Variants in GABRA4 observed in about 807,000 individuals in gnomAD.
GABRA4 encodes gamma-aminobutyric acid receptor subunit alpha-4.
In GABRA4, 12 loss-of-function variants were observed where a neutral mutation model predicts 49.7. The ratio of observed to expected loss-of-function variants is 0.24; its 90% CI spans 0.15 to 0.39. The LOEUF is 0.39. GABRA4 is among the 10% of genes least tolerant of loss of function. The pLI, the probability that GABRA4 is intolerant of heterozygous loss-of-function variation, is 1.00. For missense variants in GABRA4, 506 were observed against 686.0 expected (o/e 0.74, Z 2.93); for synonymous variants, 288 against 240.2 (o/e 1.20, Z -1.84).
In GABRA4 at chr4:46,993,545, G is replaced by A; in HGVS notation, c.-121C>T. 1 of 1,070,176 alleles carries A rather than the reference G, an allele frequency of 9.3e-7. No individual in the cohort carries two copies. Among genetic ancestry groups the A allele is most frequent in the South Asian group, 1.4e-5 (1 of 70,810 alleles). 66.3% of individuals were successfully genotyped at this position (1,070,176 alleles called of 1,614,324 possible). A position where few individuals can be genotyped will look rare whatever the true frequency, so the allele number is the denominator to read the frequency against. On this transcript the variant is annotated 5_prime_UTR_variant, in exon 1 of 9. Coordinates refer to ENST00000264318, the MANE Select transcript of GABRA4 (RefSeq NM_000809.4). ...CGTGCGCACACTCGCGCTCACACTC[G>A]CCCGCGCTCAGCCAGCCCGAGCCGC...
intron 8 of GABRA4, among the ~76,000 whole-genome samples, chr4:46,950,658 C>T (rs905105134): frequency 2.6e-5 from 4 of 151,578 alleles, no homozygotes; most frequent in African/African-American, 9.7e-5. Flanking sequence ...GTGCCTAACC[C>T]AGGCTTCCAC....
intron 8 of GABRA4, among the ~76,000 whole-genome samples, chr4:46,951,410 C>T (rs376605191): frequency 6.6e-6 from 1 of 151,774 alleles, no homozygotes; most frequent in Non-Finnish European, 1.5e-5. Flanking sequence ...AAATATTGGT[C>T]TTCAAGTTCA....
At position 46,926,846 on chromosome 4, in the gene GABRA4, G is replaced by C. The variant is rs1721248903; in HGVS notation, c.*1379C>G. 6.6e-6 allele frequency: 1 copy of C among 151,918 alleles called. No homozygotes were observed. The highest frequency in any genetic ancestry group is 6.6e-5 in the Admixed American group (1 of 15,212). The allele number at this position is 151,918 out of a possible 1,614,324, so 9.4% of individuals were successfully genotyped here. A position where few individuals can be genotyped will look rare whatever the true frequency, so the allele number is the denominator to read the frequency against. ...GATAAATCACATAGCAGAGTCAGTGGCATCCTACCCGACAGCTATTTTTTT... is the reference window on the plus strand; with the variant it reads ...GATAAATCACATAGCAGAGTCAGTGCCATCCTACCCGACAGCTATTTTTTT... On this transcript the variant is annotated 3_prime_UTR_variant, in exon 9 of 9. Coordinates refer to ENST00000264318, the MANE Select transcript of GABRA4 (RefSeq NM_000809.4).
chr4:46,980,288 A>G (rs925808160), intron 2 of GABRA4, among the ~76,000 whole-genome samples: 17 of 151,444 alleles, frequency 1.1e-4, no homozygotes, highest in Admixed American at 9.2e-4. Flanking sequence ...GAGGCTAGAT[A>G]TTCCGTAACT....
chr4:46,977,485 G>A lies in GABRA4; in HGVS notation c.419C>T (p.Ser140Phe), dbSNP rs1723186467. The change falls in exon 4 of 9, where the codon TCT becomes TTT. Residue 140 changes from serine to phenylalanine, a missense_variant. Physicochemically the swap from Ser to Phe is radical, Grantham distance 155. This residue lies in a region of GABRA4 where 195 missense variants were observed against 326.0 expected (regional missense o/e 0.60). Coordinates refer to ENST00000264318, the MANE Select transcript of GABRA4 (RefSeq NM_000809.4). ...TGGAGCTGTCATATTATGTGAGACAGATTTCTTTCCATTCCTGAAGAAAGT... is the reference window on the plus strand; with the variant it reads ...TGGAGCTGTCATATTATGTGAGACAAATTTCTTTCCATTCCTGAAGAAAGT... Reference protein sequence around the residue: ...PDTFFRNGKKSVSHNMTAPNK... With the variant: ...PDTFFRNGKKFVSHNMTAPNK... 1.9e-6 allele frequency: 3 copies of A among 1,611,864 alleles called. No individual in the cohort carries two copies. The highest frequency in any genetic ancestry group is 2.5e-6 in the Non-Finnish European group (3 of 1,178,434).
In GABRA4 at chr4:46,920,822, ATAAT is replaced by A. The variant is rs1164737707; in HGVS notation, c.*7399_*7402del. ...TACAGTAGAAAAATTAAAGAAGACT[ATAAT>A]TAGTTTTAAATCTTAGTGTTAATAT... On this transcript the variant is annotated 3_prime_UTR_variant, in exon 9 of 9. Transcript: ENST00000264318. 6.6e-6 allele frequency: 1 copy of A among 151,876 alleles called. No homozygotes were observed. The highest frequency in any genetic ancestry group is 1.5e-5 in the Non-Finnish European group (1 of 67,772). 9.4% of individuals were successfully genotyped at this position (151,876 alleles called of 1,614,324 possible). A position where few individuals can be genotyped will look rare whatever the true frequency, so the allele number is the denominator to read the frequency against.
intron 7 of GABRA4, 68 bp downstream of exon 7, chr4:46,971,015 A>C (rs1722932570): frequency 4.8e-6 from 7 of 1,454,370 alleles, no homozygotes; most frequent in Non-Finnish European, 6.6e-6. Flanking sequence ...ATTTTCTTAG[A>C]AATATCCCAT....
chr4:46,958,747 C>T (rs1560472600), intron 8 of GABRA4, among the ~76,000 whole-genome samples: 2 of 151,894 alleles, frequency 1.3e-5, no homozygotes. Flanking sequence ...ATTCCATGAA[C>T]TATTCCAATT....
chr4:46,943,086 G>A (rs1721872966), intron 8 of GABRA4, among the ~76,000 whole-genome samples: 2 of 152,016 alleles, frequency 1.3e-5, no homozygotes, highest in Non-Finnish European at 2.9e-5. Flanking sequence ...CTGGTAATAG[G>A]AGAGTAGAGA....
intron 2 of GABRA4, among the ~76,000 whole-genome samples, chr4:46,985,955 A>G (rs1454148386): frequency 6.6e-6 from 1 of 152,008 alleles, no homozygotes; most frequent in African/African-American, 2.4e-5. Flanking sequence ...AAAGAAAAAC[A>G]TGTTATGGTC....
In GABRA4 at chr4:46,921,428, C is replaced by T. The variant is rs188280448; in HGVS notation, c.*6797G>A. 26 of 151,992 alleles carry T rather than the reference C, an allele frequency of 1.7e-4. No individual in the cohort carries two copies. The East Asian group carries it at 4.5e-3, about 26-fold the overall frequency. 9.4% of individuals were successfully genotyped at this position (151,992 alleles called of 1,614,324 possible). A position where few individuals can be genotyped will look rare whatever the true frequency, so the allele number is the denominator to read the frequency against. ...AATCTCAGAGGAAAACTCTGGGATT[C>T]CCCTATAGAAACTAAAGAAGCTTGC... On this transcript the variant is annotated 3_prime_UTR_variant, in exon 9 of 9. Transcript: ENST00000264318.
rs192188284 is a variant in GABRA4 at position 46,981,101 on chromosome 4, A to G, written c.206-2003T>C. ...AGTACTAGGCATAAGGTGCGGCCTC[A>G]CAATTTGCATTTCTAACAAGTTCCT... On this transcript the variant is annotated intron_variant, in intron 2 of 8. Transcript: ENST00000264318. 1.2e-3 allele frequency among the ~76,000 whole-genome samples: 178 copies of G among 152,156 alleles called. 1 individual carries two copies. Among genetic ancestry groups the G allele is most frequent in the Non-Finnish European group, 2.0e-3 (138 of 67,978 alleles).
Position 46,928,683 on chromosome 4 carries a change from T to G in GABRA4, c.1207A>C (p.Arg403=). The change falls in exon 9 of 9, where the codon AGA becomes CGA. Residue 403 remains arginine (R), a synonymous_variant. Transcript: ENST00000264318. The part of the protein sequence containing the change: ...LVHSESDVGN[R]TEVGNHSSKS... ...CTTGAATGGTTTCCCACCTCAGTTC[T>G]GTTGCCAACATCAGATTCAGAGTGA... 3.1e-6 allele frequency: 5 copies of G among 1,613,462 alleles called. No individual in the cohort carries two copies. The highest frequency in any genetic ancestry group is 4.2e-6 in the Non-Finnish European group (5 of 1,179,586).
At chr4:46,932,053 A>T (rs1399984945) in intron 8 of GABRA4, among the ~76,000 whole-genome samples, 1 of 152,118 alleles carries the variant, frequency 6.6e-6, no homozygotes, top group Non-Finnish European at 1.5e-5. Context: ...GTTAGATCAA[A>T]GGTCCTGATG....
chr4:46,926,188 C>T lies in GABRA4; in HGVS notation c.*2037G>A, dbSNP rs981967631. 5 of 151,858 alleles carry T rather than the reference C, an allele frequency of 3.3e-5. No individual in the cohort carries two copies. Among genetic ancestry groups the T allele is most frequent in the Non-Finnish European group, 4.4e-5 (3 of 67,866 alleles). The allele number at this position is 151,858 out of a possible 1,614,324, so 9.4% of individuals were successfully genotyped here. On this transcript the variant is annotated 3_prime_UTR_variant, in exon 9 of 9. Transcript: ENST00000264318. ...AAAGTACGCTCTGAATAACTAGTAG[C>T]GAATGAATTGTGCTTCCAACCATAT...
At chr4:46,951,558 C>T (rs1722173013) in intron 8 of GABRA4, among the ~76,000 whole-genome samples, 1 of 151,794 alleles carries the variant, frequency 6.6e-6, no homozygotes, top group Non-Finnish European at 1.5e-5. Flanking sequence ...ATACAGAGTC[C>T]TTGCCACTCT....
chr4:46,974,522 C>A, intron 5 of GABRA4, 147 bp from the exon 6 acceptor site: 1 of 718,664 alleles, frequency 1.4e-6, no homozygotes, highest in Non-Finnish European at 2.0e-6. Flanking sequence ...ATTTAGTTCA[C>A]TATAATTTAG....
At position 46,990,056 on chromosome 4, in the gene GABRA4, A is replaced by T. The variant is rs545856119; in HGVS notation, c.205+2772T>A. Among the ~76,000 whole-genome samples, 3 of 152,374 alleles carry T rather than the reference A, an allele frequency of 2.0e-5. No homozygotes were observed. In the South Asian group the frequency reaches 6.2e-4, roughly 32 times the overall value. ...CATTTGGAATACTACACATTTACAGAGAATGACCCACTTCTAAAAAGTGAA... is the reference window on the plus strand; with the variant it reads ...CATTTGGAATACTACACATTTACAGTGAATGACCCACTTCTAAAAAGTGAA... On this transcript the variant is annotated intron_variant, in intron 2 of 8. Coordinates refer to ENST00000264318, the MANE Select transcript of GABRA4 (RefSeq NM_000809.4).
chr4:46,960,388 T>G (rs377554053), intron 8 of GABRA4, among the ~76,000 whole-genome samples: 2 of 151,710 alleles, frequency 1.3e-5, no homozygotes, highest in East Asian at 3.9e-4. Flanking sequence ...TAATAAAAGG[T>G]TATATGTTAA....
Sources: gnomAD v4.1 joint callset for allele counts (sites outside exome capture counted in the v4.1 genomes callset) on GRCh38, gnomAD v4.1.1 for gene constraint, gnomAD v4.1.1 regional missense constraint, MANE v1.5 for transcripts, NCBI Gene and HGNC (gene_info 2026-07-23, HGNC 2026-07-21) for gene names.